C1orf21: variants seen among roughly 807,000 people sequenced by gnomAD.
C1orf21 encodes uncharacterized protein C1orf21.
A neutral mutation model predicts 18.7 loss-of-function variants in C1orf21; 3 were observed. The ratio of observed to expected loss-of-function variants is 0.16; its 90% CI spans 0.07 to 0.42. The LOEUF is 0.42. Ranked by LOEUF, C1orf21 falls within the 10% of genes least tolerant of loss-of-function variation. The pLI is 0.99. For synonymous variants in C1orf21, 41 were observed against 46.4 expected (o/e 0.88, Z 0.47); for missense variants, 104 against 143.6 (o/e 0.72, Z 1.41).
chr1:184,432,432 C>T (rs761979897), intron 1 of C1orf21, among the ~76,000 whole-genome samples: 3 of 152,104 alleles, frequency 2.0e-5, no homozygotes, highest in Non-Finnish European at 4.4e-5. Context: ...GAAAACCAAA[C>T]ACTGCATGTT....
chr1:184,391,179 G>A lies in C1orf21; in HGVS notation c.-125+3811G>A, dbSNP rs1274513444. On this transcript the variant is annotated intron_variant, in intron 1 of 5. Transcript: ENST00000235307. ...TTATGCAATTATGACAAGAGTGGTT[G>A]GAGGTAAACTGGGCTAGGATAAACA... 3.3e-5 allele frequency among the ~76,000 whole-genome samples: 5 copies of A among 152,132 alleles called. No individual in the cohort carries two copies. In the East Asian group the frequency reaches 9.6e-4, roughly 29 times the overall value.
intron 1 of C1orf21, among the ~76,000 whole-genome samples, chr1:184,475,737 GT>G (rs1657561051): frequency 6.8e-3 from 4 of 586 alleles, no homozygotes; most frequent in Non-Finnish European, 0.011. Flanking sequence ...GGAATAGGGT[GT>G]GTGTGTGTGT....
intron 3 of C1orf21, among the ~76,000 whole-genome samples, chr1:184,541,416 C>T (rs945317838): frequency 3.9e-5 from 6 of 152,166 alleles, no homozygotes; most frequent in African/African-American, 1.2e-4. Flanking sequence ...GCCTTGACCT[C>T]GCCATCTACC....
rs151102827 is a variant in C1orf21, at chr1:184,392,739, A to G, written c.-125+5371A>G. 2.0e-3 allele frequency among the ~76,000 whole-genome samples: 294 copies of G among 149,774 alleles called. 2 individuals carry two copies. Among genetic ancestry groups the G allele is most frequent in the Non-Finnish European group, 2.3e-3 (155 of 67,654 alleles). On this transcript the variant is annotated intron_variant, in intron 1 of 5. Transcript: ENST00000235307. ...GCCTCTTAGTCCACCTTTGACAAGT[A>G]TCCCTTTCATCTATCACTTCCTTTC...
At position 184,522,827 on chromosome 1, in the gene C1orf21, A is replaced by C. The variant is rs553577582; in HGVS notation, c.189+15145A>C. On this transcript the variant is annotated intron_variant, in intron 3 of 5. Coordinates refer to ENST00000235307, the MANE Select transcript of C1orf21 (RefSeq NM_030806.4). ...TTCAGCCTCCTGAGTAGCTGGGACC[A>C]CAGGCATATACCACTATGCCCAGCT... Among the ~76,000 whole-genome samples, 6 of 152,292 alleles carry C rather than the reference A, an allele frequency of 3.9e-5. No individual in the cohort carries two copies. In the South Asian group the frequency reaches 1.2e-3, roughly 32 times the overall value.
rs1657810246 is a variant in C1orf21 at position 184,491,108 on chromosome 1, C to T, written c.94+13505C>T. Among the ~76,000 whole-genome samples, 3 of 152,016 alleles carry T rather than the reference C, an allele frequency of 2.0e-5. No individual in the cohort carries two copies. In the South Asian group the frequency reaches 6.2e-4, roughly 32 times the overall value. The stretch of plus-strand genomic sequence containing the variant: ...TTAAATGAATTAATAAGTAATAAAA[C>T]ACTTAAAATAATGCCTGGCACACAA... On this transcript the variant is annotated intron_variant, in intron 2 of 5. Coordinates refer to ENST00000235307, the MANE Select transcript of C1orf21 (RefSeq NM_030806.4).
chr1:184,418,952 G>C (rs539532409), intron 1 of C1orf21, among the ~76,000 whole-genome samples: 1 of 152,086 alleles, frequency 6.6e-6, no homozygotes, highest in Non-Finnish European at 1.5e-5. Context: ...CTTCTTTTTT[G>C]TGTGTGTATA....
intron 5 of C1orf21, among the ~76,000 whole-genome samples, chr1:184,615,836 T>C (rs1659813145): frequency 6.6e-6 from 1 of 152,230 alleles, no homozygotes. Flanking sequence ...TACGTATTTA[T>C]AGGGTACATG....
chr1:184,532,931 G>A (rs993960397), intron 3 of C1orf21, among the ~76,000 whole-genome samples: 4 of 152,188 alleles, frequency 2.6e-5, no homozygotes, highest in Non-Finnish European at 4.4e-5. Context: ...AAGAGGTGGT[G>A]CAACAGTGAT....
chr1:184,433,880 A>G (rs1186796120), intron 1 of C1orf21, among the ~76,000 whole-genome samples: 1 of 152,038 alleles, frequency 6.6e-6, no homozygotes, highest in East Asian at 1.9e-4. Context: ...GAACATTTAC[A>G]TGAGCTATTT....
chr1:184,416,350 T>G (rs997075907), intron 1 of C1orf21, among the ~76,000 whole-genome samples: 4 of 152,138 alleles, frequency 2.6e-5, no homozygotes, highest in African/African-American at 4.8e-5. Context: ...AAAATAAAAT[T>G]TTATGAAAAT....
intron 2 of C1orf21, among the ~76,000 whole-genome samples, chr1:184,480,145 C>T (rs1427011078): frequency 6.6e-6 from 1 of 152,108 alleles, no homozygotes; most frequent in Non-Finnish European, 1.5e-5. Flanking sequence ...TGCCTTAAAC[C>T]GCAGAATCAG....
intron 2 of C1orf21, among the ~76,000 whole-genome samples, chr1:184,500,187 A>G (rs1195780999): frequency 1.3e-5 from 2 of 152,160 alleles, no homozygotes; most frequent in East Asian, 3.9e-4. Context: ...GCACCTTCCT[A>G]AAAGAGTCCA....
chr1:184,569,671 A>G (rs1297706875), intron 3 of C1orf21, among the ~76,000 whole-genome samples: 1 of 152,250 alleles, frequency 6.6e-6, no homozygotes, highest in Non-Finnish European at 1.5e-5. Context: ...AGCCTGGGCA[A>G]TATAGCAAGA....
At chr1:184,596,764 G>A (rs757860940) in intron 4 of C1orf21, among the ~76,000 whole-genome samples, 57 of 151,876 alleles carry the variant, frequency 3.8e-4, no homozygotes, top group Non-Finnish European at 6.2e-4. Context: ...CCAACTACTC[G>A]GGAGGCTGAG....
At chr1:184,530,822 C>T (rs965164449) in intron 3 of C1orf21, among the ~76,000 whole-genome samples, 3 of 151,968 alleles carry the variant, frequency 2.0e-5, no homozygotes, top group South Asian at 2.1e-4. Flanking sequence ...CCCTACTGAA[C>T]GTCAGTATCC....
intron 1 of C1orf21, among the ~76,000 whole-genome samples, chr1:184,430,751 A>T (rs540599333): frequency 2.0e-5 from 3 of 152,276 alleles, no homozygotes; most frequent in Admixed American, 2.0e-4. Context: ...TCCATTCATC[A>T]TTCCTTCTTT....
At chr1:184,613,355 G>A (rs1160849656) in intron 5 of C1orf21, among the ~76,000 whole-genome samples, 1 of 152,224 alleles carries the variant, frequency 6.6e-6, no homozygotes, top group African/African-American at 2.4e-5. Flanking sequence ...TGGATAAGCA[G>A]AGACAACTGT....
intron 1 of C1orf21, among the ~76,000 whole-genome samples, chr1:184,436,042 G>T (rs1656852888): frequency 6.6e-6 from 1 of 152,092 alleles, no homozygotes. Context: ...AGCCCAACAG[G>T]AGTGCCCAGA....
Sources: allele counts gnomAD v4.1 joint callset (sites outside exome capture counted in the v4.1 genomes callset), GRCh38; gene constraint gnomAD v4.1.1; transcripts MANE v1.5; gene names NCBI Gene and HGNC (gene_info 2026-07-23, HGNC 2026-07-21).